Variants in SBF1 observed in about 807,000 individuals in gnomAD.
SBF1 encodes myotubularin-related protein 5.
A neutral mutation model predicts 215.8 loss-of-function variants in SBF1; 65 were observed. That is an observed-to-expected ratio of 0.30 (90% CI 0.25 to 0.37). The LOEUF (loss-of-function observed/expected upper bound fraction) is 0.37. Among genes scored for constraint, SBF1 ranks in the 10% least tolerant of loss-of-function variants. The pLI is 1.00. For synonymous variants in SBF1, 1,410 were observed against 1,122.8 expected, an observed-to-expected ratio of 1.26 and a Z score of -5.11; for missense variants, 2,634 against 2,667.8, an observed-to-expected ratio of 0.99 and a Z score of 0.28.
intron 10 of SBF1, 130 bp downstream of exon 10, chr22:50,465,633 A>T: frequency 2.3e-6 from 2 of 865,814 alleles, no homozygotes; most frequent in Non-Finnish European, 3.5e-6. Flanking sequence ...CTTTGCTCCC[A>T]GGCTCCTGCT....
At chr22:50,457,000 G>T in intron 29 of SBF1, 34 bp downstream of exon 29, 1 of 1,399,666 alleles carries the variant, frequency 7.1e-7, no homozygotes, top group South Asian at 1.6e-5. Flanking sequence ...CACCAAGTAA[G>T]GGGAGGCGGG....
chr22:50,453,765 C>G (rs1411831823), intron 36 of SBF1, among the ~76,000 whole-genome samples: 1 of 151,742 alleles, frequency 6.6e-6, no homozygotes, highest in Non-Finnish European at 1.5e-5. Context: ...CCAGCCTGGG[C>G]GACAGAGCGA....
At chr22:50,451,352 T>TA (rs967405805) in intron 36 of SBF1, among the ~76,000 whole-genome samples, 4 of 150,636 alleles carry the variant, frequency 2.7e-5, no homozygotes, top group African/African-American at 4.9e-5. Flanking sequence ...CTCAAGAAAT[T>TA]AAAAAAAAAT....
chr22:50,455,200 C>T, intron 33 of SBF1, 24 bp downstream of exon 33: 1 of 1,612,486 alleles, frequency 6.2e-7, no homozygotes, highest in Non-Finnish European at 8.5e-7. Flanking sequence ...CAGTCCCGGC[C>T]CACCCACACA....
At chr22:50,455,629 C>T (rs1467983225) in intron 31 of SBF1, 47 bp from the exon 32 acceptor site, 34 of 1,485,806 alleles carry the variant, frequency 2.3e-5, no homozygotes, top group African/African-American at 2.2e-4. Flanking sequence ...ACCGCCCTCC[C>T]GCCTGGCCAC....
chr22:50,454,392 A>T, intron 36 of SBF1, 120 bp downstream of exon 36: 1 of 899,644 alleles, frequency 1.1e-6, no homozygotes, highest in Non-Finnish European at 1.7e-6. Flanking sequence ...GGGCCACACC[A>T]ACCCCCAGGG....
chr22:50,457,252 G>A lies in SBF1; in HGVS notation c.3827-141C>T, dbSNP rs571398840. On this transcript the variant is annotated intron_variant, in intron 28 of 40. Transcript: ENST00000380817. The stretch of plus-strand genomic sequence containing the variant: ...AGGGGTCAGCCCCAAGTCCCTGATC[G>A]CAGGAAAGTGGGAAGAGCCATCCTG... 254 of 609,830 alleles carry A rather than the reference G, an allele frequency of 4.2e-4. 1 individual carries two copies. In the African/African-American group the frequency reaches 4.6e-3, roughly 11 times the overall value. 37.8% of individuals were successfully genotyped at this position (609,830 alleles called of 1,614,324 possible).
intron 36 of SBF1, 59 bp from the exon 37 acceptor site, chr22:50,448,709 A>T (rs958707069): frequency 7.4e-7 from 1 of 1,358,098 alleles, no homozygotes; most frequent in Non-Finnish European, 1.0e-6. Context: ...TAGAGCACGA[A>T]AAGACAAAAG....
intron 38 of SBF1, among the ~76,000 whole-genome samples, chr22:50,447,960 A>T (rs762350404): frequency 6.6e-6 from 1 of 152,204 alleles, no homozygotes; most frequent in Admixed American, 6.5e-5. Context: ...GTAGATCTGT[A>T]GAAGCAGCCA....
At position 50,459,312 on chromosome 22, in the gene SBF1, C is replaced by A. The variant is rs368062270; in HGVS notation, c.3769G>T (p.Asp1257Tyr). 6.2e-7 allele frequency: 1 copy of A among 1,612,200 alleles called. No individual in the cohort carries two copies. ...AVVSSMPRYA[D>Y]ASGRNTLSGF... ...CTAAGCGTGTTGCGTCCCGACGCGTCGGCGTAGCGGGGCATGGAGCTGACC... is the reference window on the plus strand; with the variant it reads ...CTAAGCGTGTTGCGTCCCGACGCGTAGGCGTAGCGGGGCATGGAGCTGACC... Residue 1257 changes from aspartate (D) to tyrosine (Y), a missense_variant, in exon 28 of 41, where the codon GAC becomes TAC. Physicochemically the swap from Asp to Tyr is radical, Grantham distance 160. Coordinates refer to ENST00000380817, the MANE Select transcript of SBF1 (RefSeq NM_002972.4).
Position 50,459,372 on chromosome 22 carries a change from T to C in SBF1, c.3709A>G (p.Ser1237Gly), listed in dbSNP as rs2067400915. 4 of 1,612,294 alleles carry C rather than the reference T, an allele frequency of 2.5e-6. No homozygotes were observed. In the Admixed American group the frequency reaches 5.0e-5, roughly 20 times the overall value. Reference protein sequence around the residue: ...PSPGQSQADSSSLEQEKYLQA... With the variant: ...PSPGQSQADSGSLEQEKYLQA... Reference sequence around the variant, plus strand: ...AGGTACTTCTCCTGCTCCAGGCTACTCGAGTCCGCCTGGGACTGGCCTGGG... The same window carrying C: ...AGGTACTTCTCCTGCTCCAGGCTACCCGAGTCCGCCTGGGACTGGCCTGGG... Residue 1237 changes from serine to glycine, a missense_variant, in exon 28 of 41, where the codon AGT becomes GGT. Transcript: ENST00000380817.
chr22:50,447,271 C>A, intron 40 of SBF1, 31 bp from the exon 41 acceptor site: 1 of 1,613,070 alleles, frequency 6.2e-7, no homozygotes, highest in African/African-American at 1.3e-5. Context: ...GACTCCGCAG[C>A]CCCCACACCG....
At chr22:50,473,954 A>G (rs1416825944) in intron 1 of SBF1, among the ~76,000 whole-genome samples, 1 of 152,222 alleles carries the variant, frequency 6.6e-6, no homozygotes, top group Non-Finnish European at 1.5e-5. Context: ...GAGATCATGT[A>G]CACAAAGGGC....
chr22:50,452,651 G>A (rs976993687), intron 36 of SBF1, among the ~76,000 whole-genome samples: 1 of 145,786 alleles, frequency 6.9e-6, no homozygotes, highest in Non-Finnish European at 1.5e-5. Context: ...TGAACTCAGA[G>A]GCAGAGGTTG....
At chr22:50,457,262 G>A in intron 28 of SBF1, 151 bp from the exon 29 acceptor site, 1 of 565,312 alleles carries the variant, frequency 1.8e-6, no homozygotes, top group Non-Finnish European at 2.9e-6. Flanking sequence ...GCAGGAAAGT[G>A]GGAAGAGCCA....
chr22:50,474,451 G>A (rs1440106563), intron 1 of SBF1, among the ~76,000 whole-genome samples: 1 of 152,184 alleles, frequency 6.6e-6, no homozygotes, highest in Non-Finnish European at 1.5e-5. Flanking sequence ...GGGCAGGCCG[G>A]GCCCAGCCTT....
At position 50,448,663 on chromosome 22, in the gene SBF1, T is replaced by C; in HGVS notation, c.5044-13A>G. On this transcript the variant is annotated splice_polypyrimidine_tract_variant and intron_variant, in intron 36 of 40. Transcript: ENST00000380817. ...GCCTCTGCAGCTCCTGGGGGAAGAA[T>C]TAATGGCAAGTTTATTCAAAAGGAA... 1 of 1,593,304 alleles carries C rather than the reference T, an allele frequency of 6.3e-7. No individual in the cohort carries two copies. The highest frequency in any genetic ancestry group is 8.6e-7 in the Non-Finnish European group (1 of 1,166,486).
chr22:50,473,562 G>A (rs1372340118), intron 1 of SBF1, among the ~76,000 whole-genome samples: 1 of 152,206 alleles, frequency 6.6e-6, no homozygotes, highest in Admixed American at 6.5e-5. Flanking sequence ...TGTGTGCTGA[G>A]TAAGAGGGCA....
chr22:50,455,622 G>A (rs572482533), intron 31 of SBF1, 40 bp from the exon 32 acceptor site: 50 of 1,514,110 alleles, frequency 3.3e-5, no homozygotes, highest in East Asian at 2.9e-4. Flanking sequence ...GGGACCCACC[G>A]CCCTCCCGCC....
Sources: gnomAD v4.1 joint callset for allele counts (sites outside exome capture counted in the v4.1 genomes callset) on GRCh38, gnomAD v4.1.1 for gene constraint, MANE v1.5 for transcripts, NCBI Gene and HGNC (gene_info 2026-07-23, HGNC 2026-07-21) for gene names.